Variants in ZC3H18 observed in about 807,000 individuals in gnomAD.
ZC3H18 encodes zinc finger CCCH-type containing 18.
A neutral mutation model predicts 106.1 loss-of-function variants in ZC3H18; 8 were observed. The ratio of observed to expected loss-of-function variants is 0.08; its 90% confidence interval spans 0.04 to 0.14. ZC3H18 has a LOEUF of 0.14. ZC3H18 is among the 10% of genes least tolerant of loss of function. ZC3H18 has a pLI of 1.00. For missense variants in ZC3H18, 1,318 were observed against 1,278.4 expected (o/e 1.03, Z -0.47); for synonymous variants, 635 against 522.1 (o/e 1.22, Z -2.95).
chr16:88,621,258 T>C (rs1905941218), intron 8 of ZC3H18, among the ~76,000 whole-genome samples: 1 of 150,606 alleles, frequency 6.6e-6, no homozygotes, highest in African/African-American at 2.4e-5. Context: ...AGAGTCTCGC[T>C]CTGTCGCCCA....
intron 8 of ZC3H18, among the ~76,000 whole-genome samples, chr16:88,615,764 C>T (rs1032590508): frequency 1.3e-5 from 2 of 152,182 alleles, no homozygotes; most frequent in Non-Finnish European, 1.5e-5. Context: ...TATGGGCACA[C>T]GTGCCTGGCC....
At chr16:88,630,386 C>G (rs1906586657) in intron 16 of ZC3H18, 99 bp from the exon 17 acceptor site, 2 of 874,596 alleles carry the variant, frequency 2.3e-6, no homozygotes, top group Admixed American at 4.7e-5. Flanking sequence ...ACTAAGCAGC[C>G]TCAGGCTTTA....
chr16:88,583,973 A>G (rs1373028444), intron 2 of ZC3H18, among the ~76,000 whole-genome samples: 1 of 152,210 alleles, frequency 6.6e-6, no homozygotes, highest in African/African-American at 2.4e-5. Context: ...TGACAATCTC[A>G]GATGACTTCA....
intron 13 of ZC3H18, chr16:88,625,593 C>T (rs1364090544): frequency 2.8e-6 from 1 of 357,842 alleles, no homozygotes; most frequent in East Asian, 6.2e-5. Flanking sequence ...GAGCCGGCAG[C>T]TTCCAGCCCA....
chr16:88,572,536 T>C (rs1302227643), intron 1 of ZC3H18, among the ~76,000 whole-genome samples: 2 of 152,046 alleles, frequency 1.3e-5, no homozygotes, highest in Non-Finnish European at 2.9e-5. Context: ...GATGGGCACT[T>C]GTTATTTCAT....
chr16:88,591,831 C>T (rs1435696452), intron 3 of ZC3H18, among the ~76,000 whole-genome samples: 3 of 151,774 alleles, frequency 2.0e-5, no homozygotes, highest in African/African-American at 7.3e-5. Context: ...TTTCTGATGA[C>T]GTGGTGGTTG....
Position 88,631,372 on chromosome 16 carries a change from T to C in ZC3H18, c.*73T>C. 6.6e-7 allele frequency: 1 copy of C among 1,519,264 alleles called. No homozygotes were observed. The highest frequency in any genetic ancestry group is 8.9e-7 in the Non-Finnish European group (1 of 1,125,282). 94.1% of individuals were successfully genotyped at this position (1,519,264 alleles called of 1,614,324 possible). ...CAGCCATTTTGGATTTTGCAGTTAATGTCTTATTTTGGCTGTGATTCTTTT... is the reference window on the plus strand; with the variant it reads ...CAGCCATTTTGGATTTTGCAGTTAACGTCTTATTTTGGCTGTGATTCTTTT... On this transcript the variant is annotated 3_prime_UTR_variant, in exon 18 of 18. Transcript: ENST00000301011.
chr16:88,584,960 T>G (rs1287435884), intron 2 of ZC3H18, among the ~76,000 whole-genome samples: 2 of 152,248 alleles, frequency 1.3e-5, no homozygotes, highest in African/African-American at 4.8e-5. Context: ...GTTTTGTTTT[T>G]CTCATGGGAA....
At chr16:88,598,880 A>C (rs1243116325) in intron 5 of ZC3H18, among the ~76,000 whole-genome samples, 168 bp downstream of exon 5, 1 of 151,840 alleles carries the variant, frequency 6.6e-6, no homozygotes, top group African/African-American at 2.4e-5. Flanking sequence ...TTTTTTGGAG[A>C]CAGAGTTTCA....
intron 11 of ZC3H18, 58 bp from the exon 12 acceptor site, chr16:88,624,544 T>C: frequency 1.2e-6 from 2 of 1,611,440 alleles, no homozygotes; most frequent in East Asian, 4.5e-5. Flanking sequence ...AAAGGGGATG[T>C]AGGCCAGCGG....
At chr16:88,616,042 C>T (rs1022326318) in intron 8 of ZC3H18, among the ~76,000 whole-genome samples, 1 of 152,182 alleles carries the variant, frequency 6.6e-6, no homozygotes, top group Non-Finnish European at 1.5e-5. Flanking sequence ...CAGAGGAAAG[C>T]GGGTGACGGA....
intron 6 of ZC3H18, among the ~76,000 whole-genome samples, chr16:88,608,075 T>C (rs1285420812): frequency 1.3e-5 from 2 of 152,234 alleles, no homozygotes; most frequent in African/African-American, 4.8e-5. Context: ...AGTTTCTTCA[T>C]TGTTTGTTTG....
chr16:88,623,430 A>G, intron 10 of ZC3H18, 86 bp downstream of exon 10: 1 of 1,553,290 alleles, frequency 6.4e-7, no homozygotes, highest in Non-Finnish European at 8.7e-7. Flanking sequence ...TGGCGCCAGT[A>G]GCCCCTTGGG....
intron 16 of ZC3H18, chr16:88,630,141 C>T: frequency 4.0e-6 from 1 of 249,462 alleles, no homozygotes; most frequent in South Asian, 6.5e-5. Context: ...CTCGGCTTTG[C>T]TTGTATTTCT....
intron 7 of ZC3H18, among the ~76,000 whole-genome samples, chr16:88,610,960 G>C (rs568327690): frequency 6.6e-6 from 1 of 152,358 alleles, no homozygotes; most frequent in African/African-American, 2.4e-5. Context: ...CTCCTAGTTT[G>C]TGTTTGCTCT....
chr16:88,574,988 C>T (rs999328053), intron 1 of ZC3H18, among the ~76,000 whole-genome samples: 9 of 151,550 alleles, frequency 5.9e-5, no homozygotes, highest in African/African-American at 1.7e-4. Context: ...CGCCACCACA[C>T]CCGACTAATT....
At position 88,570,541 on chromosome 16, in the gene ZC3H18, G is replaced by A. The variant is rs1914321390; in HGVS notation, c.-40G>A. 1 of 151,918 alleles carries A rather than the reference G, an allele frequency of 6.6e-6. No individual in the cohort carries two copies. The highest frequency in any genetic ancestry group is 1.5e-5 in the Non-Finnish European group (1 of 67,908). The allele number at this position is 151,918 out of a possible 1,614,324, so 9.4% of individuals were successfully genotyped here. Reference sequence around the variant, plus strand: ...GCCGCTCCGACTCCAGGGGAGCCGTGGCCTCCTCTCCGCCCTAGCGCTGAG... The same window carrying A: ...GCCGCTCCGACTCCAGGGGAGCCGTAGCCTCCTCTCCGCCCTAGCGCTGAG... On this transcript the variant is annotated 5_prime_UTR_variant, in exon 1 of 18. Transcript: ENST00000301011.
At chr16:88,621,475 C>T (rs914391478) in intron 8 of ZC3H18, among the ~76,000 whole-genome samples, 17 of 152,142 alleles carry the variant, frequency 1.1e-4, no homozygotes, top group Non-Finnish European at 1.5e-5. Context: ...TCGCCCGCCT[C>T]GGCCTCCCAA....
intron 15 of ZC3H18, 70 bp downstream of exon 15, chr16:88,628,189 C>T: frequency 2.6e-6 from 4 of 1,559,452 alleles, no homozygotes; most frequent in Non-Finnish European, 3.5e-6. Context: ...CCTGAGACAG[C>T]TTCCTCCTGG....
Sources: gnomAD v4.1 joint callset for allele counts (sites outside exome capture counted in the v4.1 genomes callset) on GRCh38, gnomAD v4.1.1 for gene constraint, MANE v1.5 for transcripts, NCBI Gene and HGNC (gene_info 2026-07-23, HGNC 2026-07-21) for gene names.